The following SEPTIN3 variants were observed in gnomAD, a reference collection of about 807,000 sequenced individuals.
SEPTIN3 encodes the protein septin 3.
Under a neutral mutation model 45.1 loss-of-function variants are expected in SEPTIN3, and 15 were observed. The ratio of observed to expected loss-of-function variants is 0.33; its 90% CI spans 0.22 to 0.51. SEPTIN3 has a LOEUF of 0.51. Ranked by LOEUF, SEPTIN3 falls within the 20% of genes least tolerant of loss-of-function variation. The probability of loss-of-function intolerance (pLI) is 0.97; values close to 1 mark genes in which losing one functional copy is unlikely to be tolerated. For synonymous variants in SEPTIN3, 148 were observed against 164.8 expected (o/e 0.90, Z 0.78); for missense variants, 289 against 457.2 (o/e 0.63, Z 3.35).
At chr22:41,981,381 A>G (rs2078117306) in intron 2 of SEPTIN3, 2 of 434,294 alleles carry the variant, frequency 4.6e-6, no homozygotes, top group East Asian at 7.0e-5. Context: ...AGTGAGGTGC[A>G]TTTGAAAGTG....
chr22:41,974,432 A>G (rs2077993481), intron 2 of SEPTIN3, among the ~76,000 whole-genome samples: 1 of 152,026 alleles, frequency 6.6e-6, no homozygotes, highest in Non-Finnish European at 1.5e-5. Context: ...TGGGAGGCCG[A>G]GACAGGTGGA....
intron 1 of SEPTIN3, among the ~76,000 whole-genome samples, chr22:41,970,174 T>C (rs1336151060): frequency 6.6e-6 from 1 of 151,944 alleles, no homozygotes; most frequent in Non-Finnish European, 1.5e-5. Context: ...CCTGGCCTTG[T>C]CCCCCAGCTG....
intron 2 of SEPTIN3, among the ~76,000 whole-genome samples, chr22:41,974,407 A>G (rs1381518242): frequency 2.6e-5 from 4 of 152,064 alleles, no homozygotes; most frequent in East Asian, 1.9e-4. Flanking sequence ...GCTCACACCT[A>G]TAATCCCAGA....
chr22:41,987,081 A>C, intron 4 of SEPTIN3, 125 bp from the exon 5 acceptor site: 2 of 636,212 alleles, frequency 3.1e-6, no homozygotes, highest in Non-Finnish European at 5.4e-6. Context: ...AAAAGACCCT[A>C]AATTTGACTT....
At chr22:41,987,338 A>G (rs2078225626) in intron 5 of SEPTIN3, 51 bp downstream of exon 5, 1 of 1,489,596 alleles carries the variant, frequency 6.7e-7, no homozygotes, top group African/African-American at 1.4e-5. Context: ...CTGGGAAGAT[A>G]CTTACTATGG....
At chr22:41,979,191 T>C (rs1224695053) in intron 2 of SEPTIN3, among the ~76,000 whole-genome samples, 1 of 152,126 alleles carries the variant, frequency 6.6e-6, no homozygotes, top group African/African-American at 2.4e-5. Flanking sequence ...AGCCCCTAGA[T>C]GCTGCTTGGG....
At chr22:41,993,067 T>C (rs964463821) in intron 9 of SEPTIN3, among the ~76,000 whole-genome samples, 6 of 152,232 alleles carry the variant, frequency 3.9e-5, no homozygotes, top group African/African-American at 1.2e-4. Context: ...GGATGTGATC[T>C]GACAAACTGC....
intron 6 of SEPTIN3, 115 bp from the exon 7 acceptor site, chr22:41,989,452 C>G (rs779120514): frequency 2.7e-6 from 2 of 736,246 alleles, no homozygotes; most frequent in African/African-American, 3.4e-5. Context: ...GCCTCTTGGC[C>G]TCAGCCAGAT....
At chr22:41,996,167 G>A (rs750474548) in intron 11 of SEPTIN3, 68 of 985,312 alleles carry the variant, frequency 6.9e-5, no homozygotes, top group Non-Finnish European at 7.8e-5. Context: ...CATTCCCAAT[G>A]ATACCCACCG....
intron 3 of SEPTIN3, among the ~76,000 whole-genome samples, chr22:41,983,615 A>T (rs1722621338): frequency 6.6e-6 from 1 of 152,146 alleles, no homozygotes; most frequent in Non-Finnish European, 1.5e-5. Flanking sequence ...GTGCTCGTCC[A>T]CATGCCATGC....
Position 41,994,458 on chromosome 22 carries a change from C to T in SEPTIN3, c.2411+117C>T. 2 of 1,499,752 alleles carry T rather than the reference C, an allele frequency of 1.3e-6. No homozygotes were observed. The highest frequency in any genetic ancestry group is 1.8e-6 in the Non-Finnish European group (2 of 1,088,428). The allele number at this position is 1,499,752 out of a possible 1,614,324, so 92.9% of individuals were successfully genotyped here. On this transcript the variant is annotated intron_variant, in intron 10 of 11. Coordinates refer to ENST00000644076, the MANE Select transcript of SEPTIN3 (RefSeq NM_001363845.2). The surrounding 1 kb of genome is among the most constrained non-coding windows in gnomAD (Gnocchi z 4.2). Reference sequence around the variant, plus strand: ...GTCTCTCTGACAGAGCTTTCTGCCCCAGTTCCAGCTCCTGTTGCAAAATGG... The same window carrying T: ...GTCTCTCTGACAGAGCTTTCTGCCCTAGTTCCAGCTCCTGTTGCAAAATGG...
At chr22:41,982,049 C>A in intron 3 of SEPTIN3, 1 of 572,856 alleles carries the variant, frequency 1.7e-6, no homozygotes, top group Non-Finnish European at 3.1e-6. Context: ...GCCAGCCCAG[C>A]CCCCCATCAC....
In SEPTIN3 at chr22:41,972,442, A is replaced by G. The variant is rs2077969736; in HGVS notation, c.950A>G (p.Lys317Arg). Residue 317 changes from lysine to arginine, a missense_variant, in exon 2 of 12, where the codon AAG (lysine) becomes AGG (arginine). Lys to Arg is a conservative substitution (Grantham distance 26). Around this residue, in one of 3 missense-constraint regions of SEPTIN3, gnomAD observed 200 missense variants for 315.1 expected, o/e 0.63. Transcript: ENST00000644076. ...GACTTGTCTTCGGTAGGGACAGTCA[A>G]GTCAGGCAAAACCGTGAACTTGGCT... is the stretch of plus-strand genomic sequence containing the variant. ...ARDLSSVGTV[K>R]SGKTVNLATA... 3 of 399,032 alleles carry G rather than the reference A, an allele frequency of 7.5e-6. No individual in the cohort carries two copies. The Admixed American group carries it at 1.3e-4, about 18-fold the overall frequency. 24.7% of individuals were successfully genotyped at this position (399,032 alleles called of 1,614,324 possible).
chr22:41,987,233 A>C lies in SEPTIN3; in HGVS notation c.1853A>C (p.Lys618Thr). ...HVIEEGGVKM[K>T]LTVIDTPGFG... Reference sequence around the variant, plus strand: ...ATAGAGGAAGGCGGTGTCAAAATGAAGCTGACCGTCATCGACACCCCAGGC... The same window carrying C: ...ATAGAGGAAGGCGGTGTCAAAATGACGCTGACCGTCATCGACACCCCAGGC... Residue 618 changes from lysine (K) to threonine (T), a missense_variant, in exon 5 of 12, where the codon AAG (lysine) becomes ACG (threonine). Physicochemically the swap from Lys to Thr is moderately conservative, Grantham distance 78. Around this residue, in one of 3 missense-constraint regions of SEPTIN3, gnomAD observed 200 missense variants for 315.1 expected, o/e 0.63. Transcript: ENST00000644076. The C allele has an allele frequency of 6.2e-7, 1 of 1,613,804 alleles. No homozygotes were observed. The highest frequency in any genetic ancestry group is 8.5e-7 in the Non-Finnish European group (1 of 1,179,848).
chr22:41,973,099 G>A (rs1281682565), intron 2 of SEPTIN3, 103 bp downstream of exon 2: 2 of 397,542 alleles, frequency 5.0e-6, no homozygotes, highest in Non-Finnish European at 8.9e-6. Context: ...AACGGAGGAA[G>A]GACTCTAAGG....
intron 2 of SEPTIN3, among the ~76,000 whole-genome samples, chr22:41,973,838 A>G (rs1197416303): frequency 3.3e-4 from 48 of 146,912 alleles, no homozygotes; most frequent in African/African-American, 1.2e-3. Context: ...AAAGTTAGCC[A>G]GGTGTGGTGG....
intron 7 of SEPTIN3, among the ~76,000 whole-genome samples, chr22:41,990,467 TG>T (rs1309420903): frequency 1.3e-5 from 2 of 149,602 alleles, no homozygotes; most frequent in African/African-American, 4.9e-5. Context: ...ACAATCCAGT[TG>T]GGCGTGGTGG....
At chr22:41,982,013 C>T in intron 3 of SEPTIN3, 177 bp downstream of exon 3, 1 of 631,866 alleles carries the variant, frequency 1.6e-6, no homozygotes, top group Admixed American at 2.8e-5. Flanking sequence ...GACTAGCTGA[C>T]CCAGGGGTAG....
rs572354923 is a variant in SEPTIN3, at chr22:41,972,745, G to A, written c.1253G>A (p.Gly418Asp). 12 of 399,124 alleles carry A rather than the reference G, an allele frequency of 3.0e-5. No individual in the cohort carries two copies. The highest frequency in any genetic ancestry group is 1.8e-4 in the African/African-American group (9 of 48,762). 24.7% of individuals were successfully genotyped at this position (399,124 alleles called of 1,614,324 possible). ...GCCAGAGTGAACAGAGCCAAGCTGG[G>A]CACGGCTAAGAATTCTCTTGCTTTG... ...ALARVNRAKLGTAKNSLALDT... is the reference protein window; with the variant it reads ...ALARVNRAKLDTAKNSLALDT... The change falls in exon 2 of 12, where the codon GGC (glycine) becomes GAC (aspartate). Residue 418 changes from glycine to aspartate, a missense_variant. Physicochemically the swap from Gly to Asp is moderately conservative, Grantham distance 94. Coordinates refer to ENST00000644076, the MANE Select transcript of SEPTIN3 (RefSeq NM_001363845.2).
Sources: gnomAD v4.1 joint callset for allele counts (sites outside exome capture counted in the v4.1 genomes callset) on GRCh38, gnomAD v4.1.1 for gene constraint, gnomAD v4.1.1 regional missense constraint, Gnocchi (gnomAD v3.1) non-coding constraint, MANE v1.5 for transcripts, NCBI Gene and HGNC (gene_info 2026-07-23, HGNC 2026-07-21) for gene names.